Variants in C12orf42 observed in about 807,000 individuals in gnomAD.
C12orf42 encodes the protein uncharacterized protein C12orf42.
Under a neutral mutation model 21.6 loss-of-function variants are expected in C12orf42, and 25 were observed. The ratio of observed to expected loss-of-function variants is 1.16; its 90% CI spans 0.84 to 1.62. The LOEUF (loss-of-function observed/expected upper bound fraction) is 1.62. C12orf42 is among the 40% of genes most tolerant of loss of function. The pLI, the probability that C12orf42 is intolerant of heterozygous loss-of-function variation, is 0.00. For synonymous variants in C12orf42, 174 were observed against 175.0 expected (o/e 0.99, Z 0.05); for missense variants, 483 against 459.3 (o/e 1.05, Z -0.47).
chr12:103,225,764 T>C, the C12orf42 span, among the ~76,000 whole-genome samples: 2 of 152,126 alleles, frequency 1.3e-5, no homozygotes, highest in Non-Finnish European at 2.9e-5. Context: ...TGACCATCAA[T>C]ACCCACAACA....
the C12orf42 span, among the ~76,000 whole-genome samples, chr12:103,126,383 C>T: frequency 6.6e-6 from 1 of 152,130 alleles, no homozygotes; most frequent in Admixed American, 6.5e-5. Context: ...TCTAAAAATA[C>T]TGAGAAAAGC....
chr12:103,540,926 C>T, the C12orf42 span, among the ~76,000 whole-genome samples: 129 of 151,856 alleles, frequency 8.5e-4, 1 homozygote, highest in African/African-American at 2.7e-3. Context: ...TTTTTAAAGA[C>T]GAAGTCCTGC....
chr12:103,206,966 C>T, the C12orf42 span, among the ~76,000 whole-genome samples: 1 of 152,318 alleles, frequency 6.6e-6, no homozygotes, highest in South Asian at 2.1e-4. Context: ...GATTATGTCA[C>T]TGTGCCTCCA....
chr12:103,492,789 C>T (rs1374289296), intron 1 of C12orf42, among the ~76,000 whole-genome samples: 1 of 152,164 alleles, frequency 6.6e-6, no homozygotes, highest in Non-Finnish European at 1.5e-5. Context: ...TAGGCCACCT[C>T]AACAACAGTT....
Position 103,294,583 on chromosome 12 carries a change from G to GGAAGGAAAGAAAGAAA in C12orf42, n.338-17374_338-17373insTTTCTTTCTTTCCTTC, listed in dbSNP as rs1300203895. 4.0e-3 allele frequency among the ~76,000 whole-genome samples: 318 copies of GGAAGGAAAGAAAGAAA among 80,332 alleles called. 2 individuals carry two copies. Among genetic ancestry groups the GGAAGGAAAGAAAGAAA allele is most frequent in the African/African-American group, 4.7e-3 (87 of 18,642 alleles). The allele number at this position is 80,332 out of a possible 152,430, so 52.7% of individuals were successfully genotyped here. ...AAAGAAAAAGAAAGGAAGGAAGGAA[G>GGAAGGAAAGAAAGAAA]GAAAGAAAGAAAGAAAGAAAGAAAG... On this transcript the variant is annotated intron_variant and non_coding_transcript_variant, in intron 4 of 6. Transcript: ENST00000546526.
chr12:103,336,786 G>T (rs1021398361), intron 4 of C12orf42, among the ~76,000 whole-genome samples: 1 of 152,090 alleles, frequency 6.6e-6, no homozygotes. Context: ...TGCATCGCTG[G>T]GAAAAATAGG....
intron 4 of C12orf42, among the ~76,000 whole-genome samples, chr12:103,295,256 C>A (rs957325720): frequency 6.6e-6 from 1 of 152,074 alleles, no homozygotes; most frequent in Non-Finnish European, 1.5e-5. Context: ...TTACCTCATC[C>A]CTTCCCTTGT....
chr12:103,561,802 C>T, the C12orf42 span, among the ~76,000 whole-genome samples: 1 of 152,116 alleles, frequency 6.6e-6, no homozygotes, highest in Non-Finnish European at 1.5e-5. Context: ...ATCGTGTTTC[C>T]CTCCTCTCTG....
intron 3 of C12orf42, among the ~76,000 whole-genome samples, chr12:103,398,950 A>T (rs2047757942): frequency 6.6e-6 from 1 of 152,124 alleles, no homozygotes; most frequent in Non-Finnish European, 1.5e-5. Flanking sequence ...CGTTCATTTA[A>T]CTTATAGGAT....
At chr12:103,111,574 G>A in the C12orf42 span, among the ~76,000 whole-genome samples, 81 of 152,276 alleles carry the variant, frequency 5.3e-4, no homozygotes, top group African/African-American at 1.8e-3. Flanking sequence ...ATGTAAAGAT[G>A]GCCCTTGAGA....
Position 103,359,467 on chromosome 12 carries a change from A to G in C12orf42, c.259+9420T>C, listed in dbSNP as rs191509302. ...AACTGTAGTGAATTCATACAATGGA[A>G]GACCACTTAGCCATAAAAAGGACTA... On this transcript the variant is annotated intron_variant, in intron 4 of 5. Transcript: ENST00000548883. Among the ~76,000 whole-genome samples the G allele has an allele frequency of 7.6e-4, 115 of 152,226 alleles. 1 individual carries two copies. Among genetic ancestry groups the G allele is most frequent in the Non-Finnish European group, 3.1e-4 (21 of 68,002 alleles).
intron 4 of C12orf42, among the ~76,000 whole-genome samples, chr12:103,319,355 G>T (rs1256742817): frequency 6.6e-6 from 1 of 152,174 alleles, no homozygotes; most frequent in Non-Finnish European, 1.5e-5. Context: ...TGGGGAAAGA[G>T]TCACACAGGG....
chr12:103,118,670 C>T, the C12orf42 span, among the ~76,000 whole-genome samples: 1,130 of 143,532 alleles, frequency 7.9e-3, 5 homozygotes, highest in South Asian at 0.018. Flanking sequence ...TGGTGGTGGG[C>T]GCCTGTAGTC....
At chr12:103,434,379 T>C (rs1339605336) in intron 2 of C12orf42, among the ~76,000 whole-genome samples, 1 of 152,060 alleles carries the variant, frequency 6.6e-6, no homozygotes, top group Non-Finnish European at 1.5e-5. Context: ...TTTAAAAGCC[T>C]CACAGTGAAG....
chr12:103,321,829 C>T (rs1007822016), intron 4 of C12orf42, among the ~76,000 whole-genome samples: 1 of 147,418 alleles, frequency 6.8e-6, no homozygotes, highest in Non-Finnish European at 1.5e-5. Flanking sequence ...ATCACATGGA[C>T]ACAGGAAGGG....
intron 2 of C12orf42, among the ~76,000 whole-genome samples, chr12:103,459,374 A>G (rs1952532367): frequency 6.6e-6 from 1 of 152,230 alleles, no homozygotes. Flanking sequence ...AGATCATGGA[A>G]GTAAATCCCT....
intron 3 of C12orf42, among the ~76,000 whole-genome samples, chr12:103,374,770 T>C (rs2045552665): frequency 6.6e-6 from 1 of 152,170 alleles, no homozygotes; most frequent in Non-Finnish European, 1.5e-5. Context: ...TGGCCCATGC[T>C]GCATCCTGGG....
chr12:103,390,859 T>C (rs1336813077), intron 3 of C12orf42, among the ~76,000 whole-genome samples: 2 of 152,350 alleles, frequency 1.3e-5, no homozygotes, highest in South Asian at 4.1e-4. Context: ...ATTTAGATGA[T>C]GCCCACCCCC....
intron 2 of C12orf42, among the ~76,000 whole-genome samples, chr12:103,471,345 A>G (rs982372667): frequency 6.6e-6 from 1 of 152,118 alleles, no homozygotes. Context: ...TCTGCTCTGT[A>G]TTTTTCCTCT....
Sources: allele counts gnomAD v4.1 joint callset (sites outside exome capture counted in the v4.1 genomes callset), GRCh38; gene constraint gnomAD v4.1.1; transcripts MANE v1.5; gene names NCBI Gene and HGNC (gene_info 2026-07-23, HGNC 2026-07-21).